The following MLLT10 variants were observed in gnomAD, a reference collection of about 807,000 sequenced individuals.
MLLT10 encodes MLLT10 histone lysine methyltransferase DOT1L cofactor, also known as protein AF-10.
In MLLT10, 30 loss-of-function variants were observed where a neutral mutation model predicts 129.1. That is an observed-to-expected ratio of 0.23 (90% CI 0.17 to 0.32). MLLT10 has a LOEUF of 0.32. Ranked by LOEUF, MLLT10 falls within the 10% of genes least tolerant of loss-of-function variation. The pLI is 1.00. For missense variants in MLLT10, 1,119 were observed against 1,268.3 expected, an observed-to-expected ratio of 0.88 and a Z score of 1.79; for synonymous variants, 490 against 446.4, an observed-to-expected ratio of 1.10 and a Z score of -1.23.
intron 14 of MLLT10, among the ~76,000 whole-genome samples, chr10:21,724,893 A>T (rs1278647109): frequency 6.6e-6 from 1 of 152,250 alleles, no homozygotes; most frequent in Non-Finnish European, 1.5e-5. Context: ...AATTGTGGTT[A>T]GCAACATGAA....
Position 21,548,432 on chromosome 10 carries a change from C to T in MLLT10, c.240+9520C>T, listed in dbSNP as rs576768476. 6.7e-5 allele frequency among the ~76,000 whole-genome samples: 10 copies of T among 149,032 alleles called. No individual in the cohort carries two copies. The South Asian group carries it at 8.5e-4, about 13-fold the overall frequency. Reference sequence around the variant, plus strand: ...TTGCCCAGGCTGGAGTGCAGTGTTGCGATCTCGGCTCACTGCAAGCTCCGC... The same window carrying T: ...TTGCCCAGGCTGGAGTGCAGTGTTGTGATCTCGGCTCACTGCAAGCTCCGC... On this transcript the variant is annotated intron_variant, in intron 3 of 22. Transcript: ENST00000307729.
intron 8 of MLLT10, among the ~76,000 whole-genome samples, chr10:21,631,353 C>A: frequency 2.1e-5 from 3 of 142,012 alleles, no homozygotes; most frequent in African/African-American, 2.6e-5. Flanking sequence ...AATGGGCAGA[C>A]GAAGAGATAA....
At chr10:21,537,824 C>T (rs2034333675) in intron 2 of MLLT10, among the ~76,000 whole-genome samples, 1 of 152,082 alleles carries the variant, frequency 6.6e-6, no homozygotes, top group African/African-American at 2.4e-5. Flanking sequence ...ATATTTCTGC[C>T]TAGCAAGCTC....
intron 11 of MLLT10, among the ~76,000 whole-genome samples, chr10:21,677,660 T>C: frequency 6.6e-6 from 1 of 152,308 alleles, no homozygotes; most frequent in East Asian, 1.9e-4. Context: ...TTCCTCCAAA[T>C]ATTTTCTATA....
intron 5 of MLLT10, among the ~76,000 whole-genome samples, chr10:21,597,494 C>T (rs1316675971): frequency 6.6e-6 from 1 of 152,112 alleles, no homozygotes; most frequent in Non-Finnish European, 1.5e-5. Context: ...CTCAGCGTCC[C>T]GAGTAGCTGG....
intron 3 of MLLT10, among the ~76,000 whole-genome samples, chr10:21,554,540 G>A (rs1432653619): frequency 2.0e-5 from 3 of 149,390 alleles, no homozygotes; most frequent in Admixed American, 6.8e-5. Context: ...TGCAACCTCC[G>A]CCTTCCGGGT....
chr10:21,691,398 G>A (rs1222945361), intron 13 of MLLT10, among the ~76,000 whole-genome samples: 1 of 152,238 alleles, frequency 6.6e-6, no homozygotes, highest in South Asian at 2.1e-4. Flanking sequence ...CTGGATATAT[G>A]TATGTGCCCA....
intron 3 of MLLT10, among the ~76,000 whole-genome samples, chr10:21,541,600 G>T (rs139866693): frequency 6.6e-6 from 1 of 152,094 alleles, no homozygotes; most frequent in African/African-American, 2.4e-5. Flanking sequence ...TGGCCAGGCT[G>T]GTCTCGATCT....
At chr10:21,641,477 T>C (rs981485507) in intron 8 of MLLT10, among the ~76,000 whole-genome samples, 1 of 152,156 alleles carries the variant, frequency 6.6e-6, no homozygotes, top group African/African-American at 2.4e-5. Flanking sequence ...AAAGAGACCC[T>C]GTCTGTATAG....
At position 21,537,084 on chromosome 10, in the gene MLLT10, G is replaced by A. The variant is rs148411504; in HGVS notation, c.161-1749G>A. On this transcript the variant is annotated intron_variant, in intron 2 of 22. Coordinates refer to ENST00000307729, the MANE Select transcript of MLLT10 (RefSeq NM_001195626.3). ...ATTACAGGTGTGAGTCATTGCACCT[G>A]GCCTGGTCTCGAACTTTTGAGCTCA... 7.2e-5 allele frequency among the ~76,000 whole-genome samples: 11 copies of A among 152,150 alleles called. No individual in the cohort carries two copies. In the East Asian group the frequency reaches 2.1e-3, roughly 29 times the overall value.
chr10:21,554,372 G>A (rs971936517), intron 3 of MLLT10, among the ~76,000 whole-genome samples: 1 of 151,844 alleles, frequency 6.6e-6, no homozygotes. Flanking sequence ...TGTAGCCCAC[G>A]CTGACCTTGA....
At chr10:21,633,902 G>A (rs2047222732) in intron 8 of MLLT10, among the ~76,000 whole-genome samples, 2 of 152,184 alleles carry the variant, frequency 1.3e-5, no homozygotes, top group Non-Finnish European at 2.9e-5. Context: ...TTGATAGCCA[G>A]TTTAAGAAGA....
At chr10:21,610,105 A>G (rs931469839) in intron 5 of MLLT10, among the ~76,000 whole-genome samples, 1 of 152,332 alleles carries the variant, frequency 6.6e-6, no homozygotes, top group South Asian at 2.1e-4. Context: ...CTCTTGCTCT[A>G]TAAGAGGGTA....
chr10:21,596,030 T>C (rs1012247574), intron 5 of MLLT10, among the ~76,000 whole-genome samples: 1 of 152,080 alleles, frequency 6.6e-6, no homozygotes, highest in African/African-American at 2.4e-5. Context: ...ATAGTTTTAT[T>C]ATTTAATTGA....
chr10:21,715,041 G>C (rs1298729829), intron 14 of MLLT10, among the ~76,000 whole-genome samples: 1 of 151,728 alleles, frequency 6.6e-6, no homozygotes, highest in African/African-American at 2.4e-5. Context: ...TCTTTTAATG[G>C]TCAAGAAAAT....
At chr10:21,701,852 G>C (rs2054948397) in intron 13 of MLLT10, among the ~76,000 whole-genome samples, 1 of 152,208 alleles carries the variant, frequency 6.6e-6, no homozygotes, top group East Asian at 1.9e-4. Flanking sequence ...GCCTCCCAAA[G>C]TGCTGGGGTT....
intron 8 of MLLT10, among the ~76,000 whole-genome samples, chr10:21,644,177 TTG>T (rs1318700722): frequency 6.6e-6 from 1 of 152,212 alleles, no homozygotes; most frequent in Admixed American, 6.5e-5. Context: ...GGGGACAGTT[TTG>T]AGAAATATTT....
chr10:21,612,631 A>G (rs2044767252), intron 6 of MLLT10, among the ~76,000 whole-genome samples, 180 bp downstream of exon 6: 1 of 152,224 alleles, frequency 6.6e-6, no homozygotes, highest in Non-Finnish European at 1.5e-5. Flanking sequence ...TATTTACCAG[A>G]GTGATTTTGC....
chr10:21,581,779 GCCT>G (rs2041485775), intron 3 of MLLT10, among the ~76,000 whole-genome samples: 2 of 152,060 alleles, frequency 1.3e-5, no homozygotes, highest in South Asian at 2.1e-4. Flanking sequence ...GTTTCCTGAG[GCCT>G]CCTCAGCCAT....
Sources: allele counts gnomAD v4.1 joint callset (sites outside exome capture counted in the v4.1 genomes callset), GRCh38; gene constraint gnomAD v4.1.1; transcripts MANE v1.5; gene names NCBI Gene and HGNC (gene_info 2026-07-23, HGNC 2026-07-21).